YAP1: variants seen among roughly 807,000 people sequenced by gnomAD.
YAP1 encodes Yes1 associated transcriptional regulator.
In YAP1, 5 loss-of-function variants were observed where a neutral mutation model predicts 56.9. The ratio of observed to expected loss-of-function variants is 0.09; its 90% confidence interval spans 0.05 to 0.18. The LOEUF (loss-of-function observed/expected upper bound fraction) is 0.18. Ranked by LOEUF, YAP1 falls within the 10% of genes least tolerant of loss-of-function variation. The pLI, the probability that YAP1 is intolerant of heterozygous loss-of-function variation, is 1.00. For synonymous variants in YAP1, 265 were observed against 248.1 expected (o/e 1.07, Z -0.64); for missense variants, 539 against 651.8 (o/e 0.83, Z 1.88).
At chr11:102,137,300 C>A (rs1393020714) in intron 2 of YAP1, among the ~76,000 whole-genome samples, 1 of 152,146 alleles carries the variant, frequency 6.6e-6, no homozygotes, top group Non-Finnish European at 1.5e-5. Flanking sequence ...AATAGGGTAT[C>A]ATGTTAAAAC....
chr11:102,147,735 T>C (rs1028518355), intron 2 of YAP1, among the ~76,000 whole-genome samples: 1 of 152,224 alleles, frequency 6.6e-6, no homozygotes, highest in Admixed American at 6.5e-5. Flanking sequence ...ATTTTTTTAT[T>C]TCACCATTAA....
chr11:102,112,327 A>C (rs1388327733), intron 1 of YAP1: 18 of 870,294 alleles, frequency 2.1e-5, no homozygotes, highest in Non-Finnish European at 2.5e-5. Flanking sequence ...TCAGCATAGA[A>C]GTGAAACTGT....
chr11:102,134,850 A>C (rs916460394), intron 2 of YAP1, among the ~76,000 whole-genome samples: 1 of 152,126 alleles, frequency 6.6e-6, no homozygotes, highest in African/African-American at 2.4e-5. Flanking sequence ...CTGGGATTGC[A>C]GGTACATGCC....
At position 102,128,277 on chromosome 11, in the gene YAP1, T is replaced by G. The variant is rs192829924; in HGVS notation, c.572+13883T>G. Among the ~76,000 whole-genome samples, 880 of 152,262 alleles carry G rather than the reference T, an allele frequency of 5.8e-3. 10 individuals carry two copies. The highest frequency in any genetic ancestry group is 0.02 in the African/African-American group (841 of 41,548). On this transcript the variant is annotated intron_variant, in intron 2 of 8. Transcript: ENST00000282441. ...CTGTATCTCCCAGAATTCCCACGTG[T>G]TGTGGGAGGGACTCGGCGGGGGGTA...
intron 4 of YAP1, among the ~76,000 whole-genome samples, chr11:102,191,440 C>T (rs1948275708): frequency 6.6e-6 from 1 of 151,566 alleles, no homozygotes; most frequent in South Asian, 2.1e-4. Context: ...GGAAATTATA[C>T]CCAAGGTTAT....
chr11:102,189,727 C>T (rs890745415), intron 4 of YAP1, among the ~76,000 whole-genome samples: 9 of 152,010 alleles, frequency 5.9e-5, no homozygotes, highest in Non-Finnish European at 7.4e-5. Flanking sequence ...TTTACATACA[C>T]GTGTGTATGT....
chr11:102,120,783 T>C (rs894034851), intron 2 of YAP1, among the ~76,000 whole-genome samples: 3 of 152,260 alleles, frequency 2.0e-5, no homozygotes, highest in African/African-American at 4.8e-5. Flanking sequence ...ATTTGGGATT[T>C]GGAGTAAAGA....
chr11:102,176,618 C>T (rs1394875810), intron 3 of YAP1, among the ~76,000 whole-genome samples: 1 of 151,260 alleles, frequency 6.6e-6, no homozygotes, highest in Admixed American at 6.6e-5. Flanking sequence ...TGGTGGTGCA[C>T]CCCTGTAATC....
At chr11:102,192,908 C>G (rs543357064) in intron 4 of YAP1, among the ~76,000 whole-genome samples, 192 of 152,262 alleles carry the variant, frequency 1.3e-3, no homozygotes, top group African/African-American at 4.4e-3. Flanking sequence ...TGAGTATGTC[C>G]AGGCAAACAA....
intron 2 of YAP1, among the ~76,000 whole-genome samples, chr11:102,132,274 A>G (rs1749289895): frequency 6.6e-6 from 1 of 152,250 alleles, no homozygotes. Flanking sequence ...TGGAGGAGTC[A>G]AAGACAGAGC....
intron 4 of YAP1, among the ~76,000 whole-genome samples, chr11:102,187,261 C>T (rs1948018035): frequency 6.6e-6 from 1 of 152,118 alleles, no homozygotes; most frequent in Non-Finnish European, 1.5e-5. Flanking sequence ...GACTGAACCC[C>T]CTGTTCAAGT....
At chr11:102,147,709 A>C (rs1238280041) in intron 2 of YAP1, among the ~76,000 whole-genome samples, 5 of 152,162 alleles carry the variant, frequency 3.3e-5, no homozygotes, top group African/African-American at 1.2e-4. Flanking sequence ...TTTTTAGGAA[A>C]TCTTTTTTCT....
chr11:102,144,887 CTCAT>C (rs372907585), intron 2 of YAP1, among the ~76,000 whole-genome samples: 1 of 135,368 alleles, frequency 7.4e-6, no homozygotes, highest in Non-Finnish European at 1.6e-5. Context: ...CATACACACA[CTCAT>C]GCTCACACAC....
intron 3 of YAP1, among the ~76,000 whole-genome samples, chr11:102,163,193 G>T (rs143230859): frequency 3.9e-5 from 6 of 152,024 alleles, no homozygotes; most frequent in African/African-American, 1.2e-4. Flanking sequence ...CTCTTATTTG[G>T]CAATTTACTT....
Position 102,230,829 on chromosome 11 carries a change from C to T in YAP1, c.*889C>T, listed in dbSNP as rs980569437. ...TTCATTTCCTGGTTTTTTTTACCAC[C>T]TTATTTAAATCTCGATTATCTGCTC... On this transcript the variant is annotated 3_prime_UTR_variant, in exon 9 of 9. Coordinates refer to ENST00000282441, the MANE Select transcript of YAP1 (RefSeq NM_001130145.3). 2 of 152,086 alleles carry T rather than the reference C, an allele frequency of 1.3e-5. No homozygotes were observed. Among genetic ancestry groups the T allele is most frequent in the African/African-American group, 4.8e-5 (2 of 41,342 alleles). The allele number at this position is 152,086 out of a possible 1,614,324, so 9.4% of individuals were successfully genotyped here.
chr11:102,185,993 T>G (rs1211478068), intron 3 of YAP1, 25 bp from the exon 4 acceptor site: 3 of 1,301,656 alleles, frequency 2.3e-6, no homozygotes, highest in Non-Finnish European at 3.1e-6. Context: ...AAACCATGAT[T>G]TTTTTTTTTT....
intron 2 of YAP1, among the ~76,000 whole-genome samples, chr11:102,123,097 T>C (rs1943783059): frequency 6.6e-6 from 1 of 152,126 alleles, no homozygotes; most frequent in African/African-American, 2.4e-5. Flanking sequence ...AAAATCCTTT[T>C]CTTTAATCCT....
rs1036022681 is a variant in YAP1, at chr11:102,110,683, G to A, written c.-166G>A. ...AGGGCGGGGGCGGAGGCGCCGGGGC[G>A]GGGGATGCGGGGCCGCGGCGCAGCC... On this transcript the variant is annotated 5_prime_UTR_variant, in exon 1 of 9. Transcript: ENST00000282441. 6.3e-6 allele frequency: 3 copies of A among 478,574 alleles called. No individual in the cohort carries two copies. Among genetic ancestry groups the A allele is most frequent in the African/African-American group, 4.2e-5 (2 of 48,104 alleles). The allele number at this position is 478,574 out of a possible 1,614,324, so 29.6% of individuals were successfully genotyped here.
intron 3 of YAP1, among the ~76,000 whole-genome samples, chr11:102,169,702 A>G (rs1008982757): frequency 4.1e-4 from 62 of 152,326 alleles, no homozygotes; most frequent in African/African-American, 1.5e-3. Context: ...AAATTAAGAG[A>G]AATGGCCCTA....
Sources: gnomAD v4.1 joint callset for allele counts (sites outside exome capture counted in the v4.1 genomes callset) on GRCh38, gnomAD v4.1.1 for gene constraint, MANE v1.5 for transcripts, NCBI Gene and HGNC (gene_info 2026-07-23, HGNC 2026-07-21) for gene names.